ATP13A4: variants seen among roughly 807,000 people sequenced by gnomAD.
ATP13A4 encodes the protein ATPase 13A4.
A neutral mutation model predicts 142.5 loss-of-function variants in ATP13A4; 114 were observed. The ratio of observed to expected loss-of-function variants is 0.80; its 90% CI spans 0.69 to 0.93. The LOEUF (loss-of-function observed/expected upper bound fraction) is 0.93. ATP13A4 is among the 40% of genes least tolerant of loss of function. The probability of loss-of-function intolerance (pLI) is 0.00; values close to 1 mark genes in which losing one functional copy is unlikely to be tolerated. For synonymous variants in ATP13A4, 488 were observed against 514.8 expected (o/e 0.95, Z 0.70); for missense variants, 1,392 against 1,454.0 (o/e 0.96, Z 0.69).
At chr3:193,525,353 C>T (rs1721943570) in intron 1 of ATP13A4, among the ~76,000 whole-genome samples, 1 of 152,158 alleles carries the variant, frequency 6.6e-6, no homozygotes, top group South Asian at 2.1e-4. Context: ...AAGCAATGAT[C>T]TCCTTCCAAA....
intron 16 of ATP13A4, among the ~76,000 whole-genome samples, chr3:193,456,322 G>T (rs76090374): frequency 9.2e-5 from 14 of 152,278 alleles, no homozygotes; most frequent in African/African-American, 3.4e-4. Context: ...TATGGAAAGC[G>T]TTTGGTGGTG....
rs896325354 is a variant in ATP13A4, at chr3:193,521,708, A to G, written c.61-6837T>C. On this transcript the variant is annotated intron_variant, in intron 1 of 29. Coordinates refer to ENST00000342695, the MANE Select transcript of ATP13A4 (RefSeq NM_032279.4). ...AGCATTTTGGGAGGCCGAGGCGGGCAGATCACCTCAGGTCAGGAGATCGAG... is the reference window on the plus strand; with the variant it reads ...AGCATTTTGGGAGGCCGAGGCGGGCGGATCACCTCAGGTCAGGAGATCGAG... 2.0e-5 allele frequency among the ~76,000 whole-genome samples: 3 copies of G among 152,004 alleles called. No homozygotes were observed. The East Asian group carries it at 5.8e-4, about 29-fold the overall frequency.
chr3:193,465,976 TAC>T, intron 11 of ATP13A4, 47 bp downstream of exon 11: 3 of 1,606,620 alleles, frequency 1.9e-6, no homozygotes, highest in Non-Finnish European at 2.6e-6. Context: ...GTACAAAATA[TAC>T]AGAGATGAGT....
At chr3:193,528,477 G>A (rs552526197) in intron 1 of ATP13A4, among the ~76,000 whole-genome samples, 6 of 152,252 alleles carry the variant, frequency 3.9e-5, no homozygotes, top group Admixed American at 3.9e-4. Flanking sequence ...GGACAGAAGT[G>A]GAAATGGTGA....
At chr3:193,445,766 A>G (rs1716916214) in intron 18 of ATP13A4, among the ~76,000 whole-genome samples, 1 of 152,074 alleles carries the variant, frequency 6.6e-6, no homozygotes, top group Non-Finnish European at 1.5e-5. Context: ...AAAAAATACA[A>G]ATAAATAAAA....
In ATP13A4 at chr3:193,427,015, A is replaced by T. The variant is rs537552987; in HGVS notation, c.2842+6830T>A. Among the ~76,000 whole-genome samples the T allele has an allele frequency of 2.0e-5, 3 of 152,176 alleles. No individual in the cohort carries two copies. In the South Asian group the frequency reaches 6.2e-4, roughly 32 times the overall value. ...AAATAGGACTCCATTAAAATAAAAA[A>T]CTTGGACATTATTTAAAAAGTGAAA... On this transcript the variant is annotated intron_variant, in intron 25 of 29. Transcript: ENST00000342695.
upstream of ATP13A4, chr3:193,555,166 A>G (rs1723836809): frequency 8.2e-6 from 3 of 367,356 alleles, no homozygotes; most frequent in African/African-American, 6.3e-5. Flanking sequence ...CAAATCCAAC[A>G]GGACAATACA....
At chr3:193,515,136 T>G (rs888063853) in intron 1 of ATP13A4, among the ~76,000 whole-genome samples, 3 of 152,200 alleles carry the variant, frequency 2.0e-5, no homozygotes, top group African/African-American at 7.2e-5. Context: ...CCAAGCACTG[T>G]GCTAGGTGTT....
In ATP13A4 at chr3:193,439,014, G is replaced by A. The variant is rs1716466433; in HGVS notation, c.2562+9C>T. 11 of 1,604,976 alleles carry A rather than the reference G, an allele frequency of 6.9e-6. No homozygotes were observed. Among genetic ancestry groups the A allele is most frequent in the Non-Finnish European group, 9.4e-6 (11 of 1,171,842 alleles). On this transcript the variant is annotated intron_variant, in intron 22 of 29. Transcript: ENST00000342695. Reference sequence around the variant, plus strand: ...GAGATTATGGCCACACAAACTGGTAGCTACTTACCCCACAGTCATTGGCTC... The same window carrying A: ...GAGATTATGGCCACACAAACTGGTAACTACTTACCCCACAGTCATTGGCTC...
At chr3:193,483,613 C>T (rs9842499) in intron 8 of ATP13A4, among the ~76,000 whole-genome samples, 71,636 of 151,322 alleles carry the variant, frequency 0.47, 17,106 homozygotes, top group African/African-American at 0.56. Flanking sequence ...TACAGGCGCT[C>T]GCCACCACGC....
At chr3:193,484,887 AAAAAT>A (rs1212789465) in intron 7 of ATP13A4, among the ~76,000 whole-genome samples, 2 of 152,224 alleles carry the variant, frequency 1.3e-5, no homozygotes, top group Non-Finnish European at 2.9e-5. Flanking sequence ...AATAAGAAGA[AAAAAT>A]AAAGTACTTT....
At chr3:193,491,941 C>G (rs1195155882) in intron 5 of ATP13A4, among the ~76,000 whole-genome samples, 1 of 152,232 alleles carries the variant, frequency 6.6e-6, no homozygotes, top group African/African-American at 2.4e-5. Context: ...CTCTAAAACC[C>G]AGAGATGTGT....
intron 25 of ATP13A4, among the ~76,000 whole-genome samples, chr3:193,423,257 G>A (rs145971649): frequency 6.7e-6 from 1 of 149,448 alleles, no homozygotes; most frequent in Non-Finnish European, 1.5e-5. Flanking sequence ...GTACCTGATG[G>A]CTTCTCCACT....
In ATP13A4 at chr3:193,399,859, A is replaced by C. The variant is rs1312309660; in HGVS notation, c.*2793T>G. Reference sequence around the variant, plus strand: ...AGACTCCATCTCAAAAAAAAAAAAAAAAAAAAAAGGTTCACATCACAGCAT... The same window carrying C: ...AGACTCCATCTCAAAAAAAAAAAAACAAAAAAAAGGTTCACATCACAGCAT... On this transcript the variant is annotated 3_prime_UTR_variant, in exon 30 of 30. Coordinates refer to ENST00000342695, the MANE Select transcript of ATP13A4 (RefSeq NM_032279.4). 6.6e-6 allele frequency among the ~76,000 whole-genome samples: 1 copy of C among 151,516 alleles called. No homozygotes were observed. Among genetic ancestry groups the C allele is most frequent in the African/African-American group, 2.4e-5 (1 of 41,272 alleles).
intron 18 of ATP13A4, among the ~76,000 whole-genome samples, 193 bp downstream of exon 18, chr3:193,448,013 G>A (rs905971726): frequency 6.6e-6 from 1 of 152,110 alleles, no homozygotes; most frequent in African/African-American, 2.4e-5. Flanking sequence ...TTGACTGATT[G>A]GTTGATCTTC....
intron 6 of ATP13A4, 33 bp from the exon 7 acceptor site, chr3:193,489,897 G>T: frequency 6.2e-7 from 1 of 1,605,884 alleles, no homozygotes; most frequent in South Asian, 1.1e-5. Flanking sequence ...GAAGACAAGG[G>T]AGAGTTTTAG....
intron 7 of ATP13A4, among the ~76,000 whole-genome samples, chr3:193,484,846 C>A (rs946902242): frequency 6.6e-6 from 1 of 151,768 alleles, no homozygotes; most frequent in Non-Finnish European, 1.5e-5. Flanking sequence ...AATCAAGTAA[C>A]TACATATATA....
At chr3:193,464,884 ACATG>A in intron 12 of ATP13A4, 52 bp downstream of exon 12, 1 of 1,569,406 alleles carries the variant, frequency 6.4e-7, no homozygotes, top group East Asian at 2.2e-5. Flanking sequence ...AAGTAGATAT[ACATG>A]ATGACAGCAA....
chr3:193,560,178 T>C lies in ATP13A4; in HGVS notation n.291+21529A>G, dbSNP rs79105230. Among the ~76,000 whole-genome samples the C allele has an allele frequency of 2.0e-5, 3 of 152,258 alleles. No individual in the cohort carries two copies. In the East Asian group the frequency reaches 5.8e-4, roughly 29 times the overall value. ...AAAGCTAAAACTCTCAAGTCTTATA[T>C]ATGATATACTTCACACAACATCATA... is the stretch of plus-strand genomic sequence containing the variant. On this transcript the variant is annotated intron_variant and non_coding_transcript_variant, in intron 2 of 3. Transcript: ENST00000489140.
Sources: gnomAD v4.1 joint callset for allele counts (sites outside exome capture counted in the v4.1 genomes callset) on GRCh38, gnomAD v4.1.1 for gene constraint, MANE v1.5 for transcripts, NCBI Gene and HGNC (gene_info 2026-07-23, HGNC 2026-07-21) for gene names.